Variants in KIAA0930 observed in about 807,000 individuals in gnomAD.
The protein encoded by KIAA0930 is uncharacterized protein KIAA0930.
A neutral mutation model predicts 43.9 loss-of-function variants in KIAA0930; 24 were observed. The observed-to-expected ratio is 0.55, with a 90% CI of 0.40 to 0.77. The LOEUF is 0.77. Among genes scored for constraint, KIAA0930 ranks in the 30% least tolerant of loss-of-function variants. KIAA0930 has a pLI of 0.00. For synonymous variants in KIAA0930, 259 were observed against 216.4 expected (o/e 1.20, Z -1.73); for missense variants, 461 against 574.2 (o/e 0.80, Z 2.02).
intron 1 of KIAA0930, 110 bp from the exon 2 acceptor site, chr22:45,212,217 G>A (rs1393169542): frequency 8.7e-6 from 14 of 1,612,932 alleles, no homozygotes; most frequent in East Asian, 2.2e-5. Flanking sequence ...AGAAATTTGC[G>A]AGGGCTCTGA....
intron 2 of KIAA0930, among the ~76,000 whole-genome samples, chr22:45,207,966 C>G (rs1223668450): frequency 6.6e-6 from 1 of 152,214 alleles, no homozygotes. Context: ...TGCTTTTGCT[C>G]AGCAAAGCGC....
chr22:45,240,007 C>A (rs1203607986), intron 1 of KIAA0930, among the ~76,000 whole-genome samples: 4 of 152,060 alleles, frequency 2.6e-5, no homozygotes, highest in African/African-American at 9.7e-5. Context: ...CCACGCCCCC[C>A]AGCAGATCCA....
chr22:45,205,375 A>G (rs2147741091), intron 4 of KIAA0930, 57 bp from the exon 5 acceptor site: 3 of 1,447,470 alleles, frequency 2.1e-6, no homozygotes, highest in East Asian at 4.5e-5. Context: ...ACAGGCCCAG[A>G]GCCAGTCCAA....
chr22:45,225,286 G>A (rs1219735517), intron 1 of KIAA0930, among the ~76,000 whole-genome samples: 7 of 152,094 alleles, frequency 4.6e-5, no homozygotes, highest in African/African-American at 1.4e-4. Flanking sequence ...ACTGTCCAGG[G>A]AGGCCCCTGG....
intron 1 of KIAA0930, among the ~76,000 whole-genome samples, chr22:45,229,731 G>A (rs528442777): frequency 3.2e-4 from 48 of 152,344 alleles, no homozygotes; most frequent in African/African-American, 1.1e-3. Context: ...TGGGGCTCAG[G>A]GGGTCAGCTG....
At chr22:45,236,060 G>C (rs9615078) in intron 1 of KIAA0930, 1 of 152,432 alleles carries the variant, frequency 6.6e-6, no homozygotes, top group Non-Finnish European at 1.5e-5. Flanking sequence ...GAACCCTTCC[G>C]GGTTGGCTAT....
chr22:45,208,979 A>G (rs937181293), intron 2 of KIAA0930, among the ~76,000 whole-genome samples: 7 of 152,208 alleles, frequency 4.6e-5, no homozygotes, highest in African/African-American at 1.7e-4. Context: ...AAAGGCACAC[A>G]ATGGGCTGCC....
chr22:45,205,305 G>C lies in KIAA0930; in HGVS notation c.428C>G (p.Ser143Cys). 1 of 1,613,930 alleles carries C rather than the reference G, an allele frequency of 6.2e-7. No homozygotes were observed. The highest frequency in any genetic ancestry group is 8.5e-7 in the Non-Finnish European group (1 of 1,179,846). ...HKKKSQQVFASPSKHPMDSKG... is the reference protein window; with the variant it reads ...HKKKSQQVFACPSKHPMDSKG... The stretch of plus-strand genomic sequence containing the variant: ...GCTGTCCATGGGGTGTTTACTGGGG[G>C]ACGCGAACACTTGCTGGAAGAAAGC... The change falls in exon 5 of 10, where the codon TCC (serine) becomes TGC (cysteine). Residue 143 changes from serine (S) to cysteine (C), a missense_variant. Transcript: ENST00000336156.
At chr22:45,224,887 C>A (rs2083789205) in intron 1 of KIAA0930, among the ~76,000 whole-genome samples, 1 of 152,086 alleles carries the variant, frequency 6.6e-6, no homozygotes, top group Admixed American at 6.5e-5. Flanking sequence ...TCTGTGTTAT[C>A]CCCAGAGGGC....
At chr22:45,208,638 T>C (rs2083663598) in intron 2 of KIAA0930, among the ~76,000 whole-genome samples, 1 of 152,136 alleles carries the variant, frequency 6.6e-6, no homozygotes, top group African/African-American at 2.4e-5. Flanking sequence ...GGCCTCGGTG[T>C]TCTCATCACA....
At chr22:45,200,893 G>C (rs2083582107) in intron 7 of KIAA0930, 1 of 473,306 alleles carries the variant, frequency 2.1e-6, no homozygotes, top group African/African-American at 2.0e-5. Context: ...GGGAAATCAG[G>C]GAAGGCTTCC....
chr22:45,205,996 T>C, intron 2 of KIAA0930, 84 bp from the exon 3 acceptor site: 2 of 1,559,998 alleles, frequency 1.3e-6, no homozygotes, highest in South Asian at 1.2e-5. Context: ...GGCATTACGA[T>C]GGACAAGGAC....
At chr22:45,202,773 G>A (rs951810588) in intron 7 of KIAA0930, 2 of 506,144 alleles carry the variant, frequency 4.0e-6, no homozygotes, top group Non-Finnish European at 6.9e-6. Flanking sequence ...AGGTCTGCAA[G>A]GCAGGAACGC....
At chr22:45,197,996 CG>C (rs771380820) in intron 8 of KIAA0930, 48 bp from the exon 9 acceptor site, 27 of 1,598,070 alleles carry the variant, frequency 1.7e-5, no homozygotes, top group African/African-American at 1.6e-4. Context: ...TGGGACGCGG[CG>C]GGAGCAGCAG....
At chr22:45,198,180 G>A (rs2083554578) in intron 8 of KIAA0930, 2 of 564,352 alleles carry the variant, frequency 3.5e-6, no homozygotes, top group Non-Finnish European at 6.3e-6. Flanking sequence ...GAAGACTTTG[G>A]CCACCCCCCT....
Position 45,193,033 on chromosome 22 carries a change from T to C in KIAA0930, c.*4143A>G, listed in dbSNP as rs1453900957. The C allele has an allele frequency of 6.6e-6, 1 of 152,212 alleles. No homozygotes were observed. The highest frequency in any genetic ancestry group is 1.9e-4 in the East Asian group (1 of 5,184). 9.4% of individuals were successfully genotyped at this position (152,212 alleles called of 1,614,324 possible). On this transcript the variant is annotated 3_prime_UTR_variant, in exon 10 of 10. Transcript: ENST00000336156. ...CTGCTCTCCCTCGAAGGGCAGTGGC[T>C]GCCCCCTCCAGAGGCTGCTTCCATT...
At chr22:45,209,131 A>C (rs1020678524) in intron 2 of KIAA0930, among the ~76,000 whole-genome samples, 3 of 152,170 alleles carry the variant, frequency 2.0e-5, no homozygotes, top group Non-Finnish European at 4.4e-5. Flanking sequence ...TCCCCCTGAC[A>C]CTGCAGCTCC....
At chr22:45,221,621 A>G (rs1289292954) in intron 1 of KIAA0930, among the ~76,000 whole-genome samples, 3 of 152,268 alleles carry the variant, frequency 2.0e-5, no homozygotes, top group African/African-American at 7.2e-5. Flanking sequence ...GAATAAATGA[A>G]TTAAATGATT....
Position 45,199,899 on chromosome 22 carries a change from T to TC in KIAA0930, c.988dup (p.Glu330GlyfsTer281). The TC allele has an allele frequency of 6.3e-7, 1 of 1,594,494 alleles. No homozygotes were observed. The highest frequency in any genetic ancestry group is 8.6e-7 in the Non-Finnish European group (1 of 1,166,700). ...TCCACCGTCGTCCTCCCGGAAGAAC[T>TC]CCTCGCTGTCGTTGGCCGAGTGCGA... On this transcript the variant is annotated frameshift_variant, in exon 8 of 10. Coordinates refer to ENST00000336156, the MANE Select transcript of KIAA0930 (RefSeq NM_001009880.2). LOFTEE classifies it high-confidence loss of function.
Sources: gnomAD v4.1 joint callset for allele counts (sites outside exome capture counted in the v4.1 genomes callset) on GRCh38, gnomAD v4.1.1 for gene constraint, MANE v1.5 for transcripts, NCBI Gene and HGNC (gene_info 2026-07-23, HGNC 2026-07-21) for gene names.